ZNF431: variants seen among roughly 807,000 people sequenced by gnomAD.
The protein encoded by ZNF431 is zinc finger protein 431.
In ZNF431, 34 loss-of-function variants were observed where a neutral mutation model predicts 57.0. The observed-to-expected ratio is 0.60, with a 90% CI of 0.45 to 0.79. The LOEUF is 0.79. ZNF431 is among the 30% of genes least tolerant of loss of function. The pLI, the probability that ZNF431 is intolerant of heterozygous loss-of-function variation, is 0.00. For missense variants in ZNF431, 607 were observed against 667.1 expected, an observed-to-expected ratio of 0.91 and a Z score of 0.99; for synonymous variants, 207 against 220.3, an observed-to-expected ratio of 0.94 and a Z score of 0.54.
intron 2 of ZNF431, among the ~76,000 whole-genome samples, chr19:21,156,029 A>C (rs6511203): frequency 6.6e-6 from 1 of 152,150 alleles, no homozygotes; most frequent in Non-Finnish European, 1.5e-5. Context: ...TCCCACCCAC[A>C]CCCAAATATG....
chr19:21,152,323 G>C (rs985387819), intron 2 of ZNF431, among the ~76,000 whole-genome samples: 1 of 152,180 alleles, frequency 6.6e-6, no homozygotes, highest in Non-Finnish European at 1.5e-5. Flanking sequence ...TCATTGCAGC[G>C]ATAATAAAAA....
At position 21,189,638 on chromosome 19, in the gene ZNF431, T is replaced by C; in HGVS notation, c.*5604T>C. 1 of 354,018 alleles carries C rather than the reference T, an allele frequency of 2.8e-6. No homozygotes were observed. 21.9% of individuals were successfully genotyped at this position (354,018 alleles called of 1,614,324 possible). A position where few individuals can be genotyped will look rare whatever the true frequency, so the allele number is the denominator to read the frequency against. ...TATTTCTTCCATTTGACTATAATTA[T>C]GTATTATTTCACAAACATGTTTCCA... On this transcript the variant is annotated 3_prime_UTR_variant, in exon 5 of 5. Coordinates refer to ENST00000311048, the MANE Select transcript of ZNF431 (RefSeq NM_133473.4).
At chr19:21,171,404 A>C (rs577774591) in intron 4 of ZNF431, among the ~76,000 whole-genome samples, 35 of 152,186 alleles carry the variant, frequency 2.3e-4, no homozygotes, top group Middle Eastern at 3.4e-3. Flanking sequence ...GTTTCTTAAC[A>C]TCAGCTTGTT....
chr19:21,174,187 A>G lies in ZNF431; in HGVS notation c.319+6521A>G, dbSNP rs142071310. Among the ~76,000 whole-genome samples the G allele has an allele frequency of 1.6e-4, 24 of 152,238 alleles. 1 individual carries two copies. The highest frequency in any genetic ancestry group is 2.0e-4 in the Admixed American group (3 of 15,292). On this transcript the variant is annotated intron_variant, in intron 4 of 4. Coordinates refer to ENST00000311048, the MANE Select transcript of ZNF431 (RefSeq NM_133473.4). ...ACATCCTTCTTGTACAGTCTGCTGA[A>G]CTGTGAGCCAAATAAACCTTCTTTC...
chr19:21,166,443 A>G lies in ZNF431; in HGVS notation c.205A>G (p.Lys69Glu), dbSNP rs200717163. The G allele has an allele frequency of 1.9e-5, 30 of 1,609,482 alleles. No individual in the cohort carries two copies. The Admixed American group carries it at 2.2e-4, about 12-fold the overall frequency. ...TATGAATGTGATGTTAGAAAACTAC[A>G]AAAACCTGGTCTTCTTGGGTGAGAA... ...LYMNVMLENYKNLVFLGVAVS... is the reference protein window; with the variant it reads ...LYMNVMLENYENLVFLGVAVS... The change falls in exon 3 of 5, where the codon AAA becomes GAA. Residue 69 changes from lysine to glutamate, a missense_variant. Coordinates refer to ENST00000311048, the MANE Select transcript of ZNF431 (RefSeq NM_133473.4).
In ZNF431 at chr19:21,187,950, A is replaced by G. The variant is rs541668382; in HGVS notation, c.*3916A>G. 1 of 152,126 alleles carries G rather than the reference A, an allele frequency of 6.6e-6. No homozygotes were observed. Among genetic ancestry groups the G allele is most frequent in the East Asian group, 1.9e-4 (1 of 5,146 alleles). The allele number at this position is 152,126 out of a possible 1,614,324, so 9.4% of individuals were successfully genotyped here. ...GCACACAAAAATTGGTTTTAACTGTAGAGTTTGCTTATCAGAACAGTTAAA... is the reference window on the plus strand; with the variant it reads ...GCACACAAAAATTGGTTTTAACTGTGGAGTTTGCTTATCAGAACAGTTAAA... On this transcript the variant is annotated 3_prime_UTR_variant, in exon 5 of 5. Coordinates refer to ENST00000311048, the MANE Select transcript of ZNF431 (RefSeq NM_133473.4).
chr19:21,179,761 T>C (rs1471031755), intron 4 of ZNF431, among the ~76,000 whole-genome samples: 6 of 152,068 alleles, frequency 3.9e-5, no homozygotes, highest in Admixed American at 2.0e-4. Context: ...GGTTTCACCA[T>C]ATTGGTCAGG....
intron 4 of ZNF431, among the ~76,000 whole-genome samples, chr19:21,175,096 C>T (rs1971014246): frequency 6.6e-6 from 1 of 152,032 alleles, no homozygotes; most frequent in Non-Finnish European, 1.5e-5. Flanking sequence ...CTCTGTCATC[C>T]AGGCTGGTTT....
chr19:21,153,219 C>T (rs889135301), intron 2 of ZNF431, among the ~76,000 whole-genome samples: 4 of 152,198 alleles, frequency 2.6e-5, no homozygotes, highest in Admixed American at 6.5e-5. Flanking sequence ...TATCCAGCTT[C>T]TATACTGCAA....
chr19:21,177,630 T>C (rs1971096620), intron 4 of ZNF431, among the ~76,000 whole-genome samples: 1 of 152,038 alleles, frequency 6.6e-6, no homozygotes, highest in Non-Finnish European at 1.5e-5. Context: ...CTACTAAAAA[T>C]ACAAAAAATT....
At chr19:21,177,021 G>A (rs1244059662) in intron 4 of ZNF431, among the ~76,000 whole-genome samples, 1 of 152,120 alleles carries the variant, frequency 6.6e-6, no homozygotes, top group Non-Finnish European at 1.5e-5. Flanking sequence ...CTGTGCAGTA[G>A]CTCTTTAGTT....
At chr19:21,173,053 T>A (rs1292243050) in intron 4 of ZNF431, among the ~76,000 whole-genome samples, 8 of 152,234 alleles carry the variant, frequency 5.3e-5, no homozygotes, top group Non-Finnish European at 8.8e-5. Context: ...AGTGACATAA[T>A]ATTTTCAAAG....
rs540638053 is a variant in ZNF431, at chr19:21,177,091, A to G, written c.320-5532A>G. ...TGCAATTGCTTTTGACATTTTCATCATGAAATCTTTGCCCATGCCTATGTC... is the reference window on the plus strand; with the variant it reads ...TGCAATTGCTTTTGACATTTTCATCGTGAAATCTTTGCCCATGCCTATGTC... On this transcript the variant is annotated intron_variant, in intron 4 of 4. Coordinates refer to ENST00000311048, the MANE Select transcript of ZNF431 (RefSeq NM_133473.4). Among the ~76,000 whole-genome samples the G allele has an allele frequency of 4.6e-5, 7 of 152,324 alleles. No individual in the cohort carries two copies. The South Asian group carries it at 1.5e-3, about 32-fold the overall frequency.
In ZNF431 at chr19:21,142,055, C is replaced by T; in HGVS notation, c.-129C>T. On this transcript the variant is annotated 5_prime_UTR_variant, in exon 1 of 5. Transcript: ENST00000311048. Reference sequence around the variant, plus strand: ...CGGGGCCTTTGTCTCTCGCCGCAGCCTGAGCTCCAGGTCTCCCCTTCGCTG... The same window carrying T: ...CGGGGCCTTTGTCTCTCGCCGCAGCTTGAGCTCCAGGTCTCCCCTTCGCTG... 1.6e-6 allele frequency: 2 copies of T among 1,265,558 alleles called. No individual in the cohort carries two copies. Among genetic ancestry groups the T allele is most frequent in the Non-Finnish European group, 1.1e-6 (1 of 884,430 alleles). 78.4% of individuals were successfully genotyped at this position (1,265,558 alleles called of 1,614,324 possible). A position where few individuals can be genotyped will look rare whatever the true frequency, so the allele number is the denominator to read the frequency against.
At chr19:21,158,745 A>G (rs1970493892) in intron 2 of ZNF431, among the ~76,000 whole-genome samples, 1 of 152,090 alleles carries the variant, frequency 6.6e-6, no homozygotes, top group South Asian at 2.1e-4. Flanking sequence ...TTTTGAAGAT[A>G]TAGAATCTTG....
chr19:21,187,096 A>G lies in ZNF431; in HGVS notation c.*3062A>G, dbSNP rs1971390286. On this transcript the variant is annotated 3_prime_UTR_variant, in exon 5 of 5. Transcript: ENST00000311048. ...CTGCTGAAGTTAGTTTGTAACTTCA[A>G]GTCAAAGATGAAAAATATCAATGGT... is the stretch of plus-strand genomic sequence containing the variant. 1 of 152,228 alleles carries G rather than the reference A, an allele frequency of 6.6e-6. No individual in the cohort carries two copies. Among genetic ancestry groups the G allele is most frequent in the African/African-American group, 2.4e-5 (1 of 41,468 alleles). 9.4% of individuals were successfully genotyped at this position (152,228 alleles called of 1,614,324 possible). A position where few individuals can be genotyped will look rare whatever the true frequency, so the allele number is the denominator to read the frequency against.
chr19:21,181,117 T>A (rs1971200242), intron 4 of ZNF431, among the ~76,000 whole-genome samples: 1 of 152,144 alleles, frequency 6.6e-6, no homozygotes, highest in Non-Finnish European at 1.5e-5. Context: ...ATAATTAATA[T>A]TTTTTGCACT....
At chr19:21,163,967 G>C (rs1446007017) in intron 2 of ZNF431, among the ~76,000 whole-genome samples, 2 of 151,544 alleles carry the variant, frequency 1.3e-5, no homozygotes, top group African/African-American at 4.9e-5. Flanking sequence ...TGTAATCCCA[G>C]CTACTCAGGA....
chr19:21,154,240 A>G (rs551135830), intron 2 of ZNF431, among the ~76,000 whole-genome samples: 82 of 152,056 alleles, frequency 5.4e-4, no homozygotes, highest in African/African-American at 1.3e-3. Flanking sequence ...TCATTGTTCA[A>G]TTCCCACCTG....
Sources: gnomAD v4.1 joint callset for allele counts (sites outside exome capture counted in the v4.1 genomes callset) on GRCh38, gnomAD v4.1.1 for gene constraint, MANE v1.5 for transcripts, NCBI Gene and HGNC (gene_info 2026-07-23, HGNC 2026-07-21) for gene names.